Variants in BBS9 observed in about 807,000 individuals in gnomAD.
BBS9 encodes the protein protein PTHB1.
Under a neutral mutation model 117.7 loss-of-function variants are expected in BBS9, and 89 were observed. That is an observed-to-expected ratio of 0.76 (90% CI 0.64 to 0.90). The LOEUF is 0.90. Ranked by LOEUF, BBS9 falls within the 40% of genes least tolerant of loss-of-function variation. The pLI, the probability that BBS9 is intolerant of heterozygous loss-of-function variation, is 0.00. For missense variants in BBS9, 982 were observed against 1,042.2 expected (o/e 0.94, Z 0.80); for synonymous variants, 379 against 370.9 (o/e 1.02, Z -0.25).
intron 18 of BBS9, among the ~76,000 whole-genome samples, chr7:33,384,678 A>G (rs1347180720): frequency 1.3e-5 from 2 of 150,672 alleles, no homozygotes; most frequent in Admixed American, 1.3e-4. Flanking sequence ...ATTTCAGTTT[A>G]GGAGTGTGTG....
intron 9 of BBS9, among the ~76,000 whole-genome samples, chr7:33,285,482 T>A (rs1802707883): frequency 6.6e-6 from 1 of 152,170 alleles, no homozygotes; most frequent in South Asian, 2.1e-4. Context: ...TTGGACAAAT[T>A]ATGTCAATCT....
intron 19 of BBS9, among the ~76,000 whole-genome samples, chr7:33,442,697 T>C (rs1202613468): frequency 6.6e-6 from 1 of 152,198 alleles, no homozygotes; most frequent in Non-Finnish European, 1.5e-5. Flanking sequence ...CCACTATAAA[T>C]GTGCCAAGTA....
intron 5 of BBS9, among the ~76,000 whole-genome samples, chr7:33,188,843 G>A (rs1783585916): frequency 6.6e-6 from 1 of 152,062 alleles, no homozygotes; most frequent in Admixed American, 6.6e-5. Flanking sequence ...CTTTGTAAAG[G>A]GGTTTGGGCA....
At chr7:33,577,383 G>GT (rs1408260587) in intron 21 of BBS9, among the ~76,000 whole-genome samples, 2 of 152,066 alleles carry the variant, frequency 1.3e-5, no homozygotes, top group African/African-American at 2.4e-5. Context: ...AATGGCGATC[G>GT]TTAAAAAGTC....
chr7:33,435,464 A>T (rs1450262872), intron 19 of BBS9, among the ~76,000 whole-genome samples: 2 of 152,156 alleles, frequency 1.3e-5, no homozygotes, highest in Non-Finnish European at 2.9e-5. Flanking sequence ...TTCCTTAATA[A>T]AAGTGTGTTA....
intron 4 of BBS9, among the ~76,000 whole-genome samples, chr7:33,164,674 A>G (rs1157412515): frequency 6.6e-6 from 1 of 151,288 alleles, no homozygotes; most frequent in Non-Finnish European, 1.5e-5. Context: ...TTTGTTTTCC[A>G]TTTGCTTGGT....
intron 14 of BBS9, 143 bp downstream of exon 14, chr7:33,351,466 A>G (rs895501555): frequency 2.8e-6 from 2 of 721,926 alleles, no homozygotes; most frequent in Admixed American, 2.0e-5. Context: ...TCATGTTTTC[A>G]TTACTTTTAT....
At chr7:33,514,877 A>G (rs1847503314) in intron 20 of BBS9, among the ~76,000 whole-genome samples, 1 of 152,206 alleles carries the variant, frequency 6.6e-6, no homozygotes, top group African/African-American at 2.4e-5. Context: ...AATGCTGTAA[A>G]AACTGCATTA....
At chr7:33,576,561 A>C (rs1315192016) in intron 21 of BBS9, among the ~76,000 whole-genome samples, 1 of 152,176 alleles carries the variant, frequency 6.6e-6, no homozygotes, top group African/African-American at 2.4e-5. Flanking sequence ...AAACACTTTA[A>C]AGTTCATATG....
chr7:33,445,555 T>C (rs1197959403), intron 19 of BBS9, among the ~76,000 whole-genome samples: 1 of 152,254 alleles, frequency 6.6e-6, no homozygotes, highest in East Asian at 1.9e-4. Flanking sequence ...AAAAAGTTTG[T>C]GTTGTCCTCC....
chr7:33,228,943 TA>T (rs1791813118), intron 5 of BBS9, among the ~76,000 whole-genome samples: 1 of 152,166 alleles, frequency 6.6e-6, no homozygotes, highest in Non-Finnish European at 1.5e-5. Context: ...GCTGTATTTT[TA>T]TATCTCCTGA....
At chr7:33,290,625 G>C (rs1268623002) in intron 9 of BBS9, among the ~76,000 whole-genome samples, 1 of 152,126 alleles carries the variant, frequency 6.6e-6, no homozygotes, top group Non-Finnish European at 1.5e-5. Flanking sequence ...AGAACGATTT[G>C]GTCTTTAAAT....
chr7:33,616,202 TAAAC>T (rs70989960), intron 21 of BBS9, among the ~76,000 whole-genome samples: 53,812 of 150,586 alleles, frequency 0.36, 12,600 homozygotes, highest in African/African-American at 0.66. Flanking sequence ...TTCAAAATAA[TAAAC>T]AATGTATTAA....
intron 4 of BBS9, among the ~76,000 whole-genome samples, chr7:33,176,591 T>C (rs1797355817): frequency 1.3e-5 from 2 of 152,176 alleles, no homozygotes; most frequent in Non-Finnish European, 2.9e-5. Flanking sequence ...CCAAAACAAA[T>C]AAATGCTCCT....
chr7:33,148,085 G>A (rs1792698240), intron 2 of BBS9, among the ~76,000 whole-genome samples: 1 of 152,128 alleles, frequency 6.6e-6, no homozygotes, highest in African/African-American at 2.4e-5. Context: ...TTGAATGCTG[G>A]CATTCTCAAG....
chr7:33,467,416 CTTT>C (rs1219675092), intron 19 of BBS9, among the ~76,000 whole-genome samples: 36 of 152,222 alleles, frequency 2.4e-4, no homozygotes, highest in Admixed American at 5.2e-4. Context: ...CAAGATTTAA[CTTT>C]AATTCATTTG....
chr7:33,323,446 A>G (rs772889798), intron 9 of BBS9, among the ~76,000 whole-genome samples: 2 of 152,022 alleles, frequency 1.3e-5, no homozygotes, highest in Non-Finnish European at 2.9e-5. Flanking sequence ...TACAATTTTT[A>G]TATCTTCTGG....
chr7:33,224,664 T>G (rs1305851099), intron 5 of BBS9, among the ~76,000 whole-genome samples: 1 of 152,210 alleles, frequency 6.6e-6, no homozygotes, highest in Non-Finnish European at 1.5e-5. Context: ...TTTGTCCTGT[T>G]AACGTCCCAC....
chr7:33,283,063 G>C (rs976377794), intron 9 of BBS9, among the ~76,000 whole-genome samples: 1 of 151,882 alleles, frequency 6.6e-6, no homozygotes, highest in African/African-American at 2.4e-5. Flanking sequence ...TATCTAAATG[G>C]AGTCAAAGCT....
Sources: gnomAD v4.1 joint callset for allele counts (sites outside exome capture counted in the v4.1 genomes callset) on GRCh38, gnomAD v4.1.1 for gene constraint, MANE v1.5 for transcripts, NCBI Gene and HGNC (gene_info 2026-07-23, HGNC 2026-07-21) for gene names.